DNAJC10: variants seen among roughly 807,000 people sequenced by gnomAD.
DNAJC10 encodes endoplasmic reticulum disulfide reductase DNAJC10.
Under a neutral mutation model 115.0 loss-of-function variants are expected in DNAJC10, and 101 were observed. That is an observed-to-expected ratio of 0.88 (90% CI 0.75 to 1.04). The LOEUF (loss-of-function observed/expected upper bound fraction) is 1.04. DNAJC10 is among the 50% of genes least tolerant of loss of function. The pLI is 0.00. For missense variants in DNAJC10, 981 were observed against 928.8 expected (o/e 1.06, Z -0.73); for synonymous variants, 307 against 301.5 (o/e 1.02, Z -0.19).
chr2:182,740,487 A>G, intron 12 of DNAJC10, 99 bp downstream of exon 12: 1 of 1,158,608 alleles, frequency 8.6e-7, no homozygotes, highest in Non-Finnish European at 1.2e-6. Context: ...ATCTCTAGAG[A>G]GAATTGAAAG....
chr2:182,732,715 G>C, intron 10 of DNAJC10, 173 bp downstream of exon 10: 1 of 589,362 alleles, frequency 1.7e-6, no homozygotes, highest in Non-Finnish European at 2.9e-6. Context: ...AATTAGTTAC[G>C]TTCAATAAAT....
rs1694802637 is a variant in DNAJC10, at chr2:182,779,815, T to G, written c.*2683T>G. 6.6e-6 allele frequency: 1 copy of G among 152,186 alleles called. No homozygotes were observed. The highest frequency in any genetic ancestry group is 2.1e-4 in the South Asian group (1 of 4,828). The allele number at this position is 152,186 out of a possible 1,614,324, so 9.4% of individuals were successfully genotyped here. A position where few individuals can be genotyped will look rare whatever the true frequency, so the allele number is the denominator to read the frequency against. On this transcript the variant is annotated 3_prime_UTR_variant, in exon 24 of 24. Coordinates refer to ENST00000264065, the MANE Select transcript of DNAJC10 (RefSeq NM_018981.4). ...AGTACGGTTATCAAAAAAACACATT[T>G]CCTATGGGACACACATTTCAAAGAT...
Position 182,762,695 on chromosome 2 carries a change from A to G in DNAJC10, c.2159A>G (p.Lys720Arg), listed in dbSNP as rs1694315453. The G allele has an allele frequency of 6.2e-7, 1 of 1,612,356 alleles. No homozygotes were observed. Among genetic ancestry groups the G allele is most frequent in the East Asian group, 2.2e-5 (1 of 44,790 alleles). ...FELLARMIKG[K>R]VKAGKVDCQA... ...TTTCTTTTTCAGATGATTAAAGGAAAAGTGAAAGCTGGAAAAGTAGACTGT... is the reference window on the plus strand; with the variant it reads ...TTTCTTTTTCAGATGATTAAAGGAAGAGTGAAAGCTGGAAAAGTAGACTGT... Residue 720 changes from lysine (K) to arginine (R), a missense_variant, in exon 22 of 24, where the codon AAA (lysine) becomes AGA (arginine). Lys to Arg is a conservative substitution (Grantham distance 26). Coordinates refer to ENST00000264065, the MANE Select transcript of DNAJC10 (RefSeq NM_018981.4).
chr2:182,791,265 G>A lies in DNAJC10; in HGVS notation c.*14133G>A, dbSNP rs1695044243. On this transcript the variant is annotated 3_prime_UTR_variant, in exon 24 of 24. Coordinates refer to ENST00000264065, the MANE Select transcript of DNAJC10 (RefSeq NM_018981.4). ...CATAACTAGTTGGCAACAAAAACTA[G>A]TATGCCTTGGTGTGAATAAACCTTA... 6.6e-6 allele frequency: 1 copy of A among 152,072 alleles called. No homozygotes were observed. The highest frequency in any genetic ancestry group is 1.5e-5 in the Non-Finnish European group (1 of 68,002). The allele number at this position is 152,072 out of a possible 1,614,324, so 9.4% of individuals were successfully genotyped here.
At chr2:182,735,330 T>A (rs950147026) in intron 10 of DNAJC10, among the ~76,000 whole-genome samples, 1 of 151,990 alleles carries the variant, frequency 6.6e-6, no homozygotes, top group African/African-American at 2.4e-5. Context: ...TAATCAAATA[T>A]GTTTTTTTCT....
intron 22 of DNAJC10, among the ~76,000 whole-genome samples, chr2:182,770,625 T>C (rs1461982510): frequency 6.6e-6 from 1 of 152,158 alleles, no homozygotes; most frequent in East Asian, 1.9e-4. Flanking sequence ...TGATGGTGTA[T>C]AGGAGTGCTT....
At chr2:182,718,591 T>C (rs1025830626) in intron 3 of DNAJC10, among the ~76,000 whole-genome samples, 1 of 152,238 alleles carries the variant, frequency 6.6e-6, no homozygotes, top group South Asian at 2.1e-4. Flanking sequence ...GTAGTTTTCT[T>C]ATTAAAGTAG....
Position 182,792,606 on chromosome 2 carries a change from C to G in DNAJC10, c.*15474C>G, listed in dbSNP as rs1167492180. The G allele has an allele frequency of 6.6e-6, 1 of 152,220 alleles. No homozygotes were observed. The highest frequency in any genetic ancestry group is 1.9e-4 in the East Asian group (1 of 5,194). 9.4% of individuals were successfully genotyped at this position (152,220 alleles called of 1,614,324 possible). ...AGTCCATCTAAATGCATGCCAGTTTCTTTCTTGATAAATTAGAGGCCTATA... is the reference window on the plus strand; with the variant it reads ...AGTCCATCTAAATGCATGCCAGTTTGTTTCTTGATAAATTAGAGGCCTATA... On this transcript the variant is annotated 3_prime_UTR_variant, in exon 24 of 24. Transcript: ENST00000264065.
intron 9 of DNAJC10, 49 bp downstream of exon 9, chr2:182,731,156 T>A (rs770994587): frequency 7.0e-7 from 1 of 1,427,548 alleles, no homozygotes; most frequent in African/African-American, 1.4e-5. Flanking sequence ...ACATTTAAAT[T>A]TTTGGTGACA....
At chr2:182,718,608 A>ATCAAGTG (rs1693061005) in intron 3 of DNAJC10, among the ~76,000 whole-genome samples, 2 of 152,254 alleles carry the variant, frequency 1.3e-5, no homozygotes, top group South Asian at 4.1e-4. Flanking sequence ...GTAGGTTAAG[A>ATCAAGTG]TCAAGTGTTT....
chr2:182,720,236 C>G, intron 4 of DNAJC10, 67 bp downstream of exon 4: 4 of 1,294,426 alleles, frequency 3.1e-6, no homozygotes, highest in Non-Finnish European at 4.4e-6. Context: ...AATTCTGTTT[C>G]ACCACTTAGC....
chr2:182,732,335 T>TG (rs34818934), intron 9 of DNAJC10, among the ~76,000 whole-genome samples, 164 bp from the exon 10 acceptor site: 26,360 of 151,410 alleles, frequency 0.17, 5,239 homozygotes, highest in African/African-American at 0.49. Context: ...TGTGTGTGTG[T>TG]TTGTATGTGT....
At chr2:182,749,119 A>G (rs976846200) in intron 14 of DNAJC10, among the ~76,000 whole-genome samples, 2 of 151,872 alleles carry the variant, frequency 1.3e-5, no homozygotes, top group Admixed American at 6.6e-5. Context: ...GTGCTGAAAA[A>G]AATGTATATT....
At chr2:182,765,428 A>G (rs1224377678) in intron 22 of DNAJC10, among the ~76,000 whole-genome samples, 1 of 152,118 alleles carries the variant, frequency 6.6e-6, no homozygotes, top group East Asian at 1.9e-4. Context: ...TCCAATAAAC[A>G]TGTTCTTGAG....
chr2:182,775,164 AGCATTAT>A, intron 22 of DNAJC10, 145 bp from the exon 23 acceptor site: 1 of 573,318 alleles, frequency 1.7e-6, no homozygotes, highest in South Asian at 2.5e-5. Flanking sequence ...CTGCTTTTGC[AGCATTAT>A]TTCCTTGAAG....
chr2:182,739,280 G>T (rs1693670883), intron 11 of DNAJC10, among the ~76,000 whole-genome samples: 1 of 146,464 alleles, frequency 6.8e-6, no homozygotes, highest in Non-Finnish European at 1.5e-5. Flanking sequence ...TTTAAGAAAA[G>T]AATCTTAGGG....
intron 11 of DNAJC10, among the ~76,000 whole-genome samples, chr2:182,739,208 TTATA>T (rs1203668976): frequency 6.9e-6 from 1 of 144,572 alleles, no homozygotes; most frequent in Non-Finnish European, 1.5e-5. Flanking sequence ...TTATATATAT[TTATA>T]TATATAATAT....
intron 16 of DNAJC10, among the ~76,000 whole-genome samples, chr2:182,754,106 G>A (rs991606071): frequency 6.6e-6 from 1 of 152,138 alleles, no homozygotes; most frequent in African/African-American, 2.4e-5. Context: ...TAGCAACTAA[G>A]TATAATTGTT....
rs963829940 is a variant in DNAJC10, at chr2:182,792,082, T to G, written c.*14950T>G. On this transcript the variant is annotated 3_prime_UTR_variant, in exon 24 of 24. Transcript: ENST00000264065. Reference sequence around the variant, plus strand: ...TTTCAAAGCCAGGACACAATCTTGTTCACTTTTCATGCCATCATCTTGACA... The same window carrying G: ...TTTCAAAGCCAGGACACAATCTTGTGCACTTTTCATGCCATCATCTTGACA... The G allele has an allele frequency of 2.6e-5, 4 of 152,194 alleles. No homozygotes were observed. The highest frequency in any genetic ancestry group is 5.9e-5 in the Non-Finnish European group (4 of 68,028). 9.4% of individuals were successfully genotyped at this position (152,194 alleles called of 1,614,324 possible).
Sources: gnomAD v4.1 joint callset for allele counts (sites outside exome capture counted in the v4.1 genomes callset) on GRCh38, gnomAD v4.1.1 for gene constraint, MANE v1.5 for transcripts, NCBI Gene and HGNC (gene_info 2026-07-23, HGNC 2026-07-21) for gene names.